NDE1: variants seen among roughly 807,000 people sequenced by gnomAD.
NDE1 encodes the protein nudE neurodevelopment protein 1, also known as nuclear distribution protein nudE homolog 1.
A neutral mutation model predicts 43.4 loss-of-function variants in NDE1; 28 were observed. The ratio of observed to expected loss-of-function variants is 0.65; its 90% CI spans 0.48 to 0.89. The LOEUF is 0.89. Among genes scored for constraint, NDE1 ranks in the 40% least tolerant of loss-of-function variants. NDE1 has a pLI of 0.00. For missense variants in NDE1, 441 were observed against 434.1 expected, an observed-to-expected ratio of 1.02 and a Z score of -0.14; for synonymous variants, 184 against 172.0, an observed-to-expected ratio of 1.07 and a Z score of -0.55.
chr16:15,659,425 C>CTTTTTT lies in NDE1; in HGVS notation c.-43-5287_-43-5282dup, dbSNP rs35091023. Among the ~76,000 whole-genome samples the CTTTTTT allele has an allele frequency of 3.4e-4, 20 of 58,908 alleles. 3 individuals carry two copies. The highest frequency in any genetic ancestry group is 1.1e-3 in the Admixed American group (4 of 3,726). The allele number at this position is 58,908 out of a possible 152,430, so 38.6% of individuals were successfully genotyped here. ...GGAAGGAAGGGACCTTGCACACAAT[C>CTTTTTT]TTTTTTTTTTTTTTTTTTTTTTTTT... On this transcript the variant is annotated intron_variant, in intron 1 of 8. Transcript: ENST00000396354.
At chr16:15,670,889 G>A (rs1228403163) in intron 3 of NDE1, among the ~76,000 whole-genome samples, 1 of 152,048 alleles carries the variant, frequency 6.6e-6, no homozygotes, top group Non-Finnish European at 1.5e-5. Context: ...AAATGGATTG[G>A]GGGTTTGGGG....
At position 15,694,096 on chromosome 16, in the gene NDE1, C is replaced by T; in HGVS notation, c.704-69C>T. The stretch of plus-strand genomic sequence containing the variant: ...TCCCTCCTGTCCCGTGGTTTTGGAT[C>T]TAGCGATGTTAACGCACAGACATGA... On this transcript the variant is annotated intron_variant, in intron 6 of 8. Transcript: ENST00000396354. The T allele has an allele frequency of 1.9e-6, 3 of 1,569,650 alleles. No homozygotes were observed. In the African/African-American group the frequency reaches 4.1e-5, roughly 21 times the overall value.
At chr16:15,659,077 G>T (rs931259132) in intron 1 of NDE1, among the ~76,000 whole-genome samples, 1 of 152,202 alleles carries the variant, frequency 6.6e-6, no homozygotes, top group Non-Finnish European at 1.5e-5. Context: ...GATTGAAAAA[G>T]TAGGAGGGAG....
intron 2 of NDE1, among the ~76,000 whole-genome samples, chr16:15,666,047 C>T (rs540534733): frequency 8.7e-4 from 132 of 152,156 alleles, no homozygotes; most frequent in Middle Eastern, 6.8e-3. Flanking sequence ...TGAGCCACCA[C>T]GCCCGGTGTC....
At chr16:15,662,812 C>G (rs1458798868) in intron 1 of NDE1, among the ~76,000 whole-genome samples, 1 of 152,162 alleles carries the variant, frequency 6.6e-6, no homozygotes, top group Middle Eastern at 3.2e-3. Context: ...CTCCCAGGCT[C>G]AAGCGATCTG....
chr16:15,644,981 A>G (rs1436207790), intron 1 of NDE1, among the ~76,000 whole-genome samples: 2 of 146,110 alleles, frequency 1.4e-5, no homozygotes, highest in African/African-American at 2.6e-5. Flanking sequence ...GTGCAGTGGC[A>G]GGATCTTGGC....
chr16:15,708,806 G>A, intron 8 of NDE1: 1 of 1,608,034 alleles, frequency 6.2e-7, no homozygotes, highest in South Asian at 1.1e-5. Context: ...ATGATACCTG[G>A]TGCATCACTG....
chr16:15,724,953 C>T lies in NDE1; in HGVS notation c.*702C>T, dbSNP rs1339119390. On this transcript the variant is annotated 3_prime_UTR_variant, in exon 9 of 9. Coordinates refer to ENST00000396354, the MANE Select transcript of NDE1 (RefSeq NM_017668.3). Reference sequence around the variant, plus strand: ...TTGGCCAGCTTAATGGCCTTCCCCTCGGCCTCGTTAAGCATCCCTGTGACG... The same window carrying T: ...TTGGCCAGCTTAATGGCCTTCCCCTTGGCCTCGTTAAGCATCCCTGTGACG... 6.2e-7 allele frequency: 1 copy of T among 1,613,998 alleles called. No individual in the cohort carries two copies. The highest frequency in any genetic ancestry group is 8.5e-7 in the Non-Finnish European group (1 of 1,180,034).
intron 8 of NDE1, among the ~76,000 whole-genome samples, chr16:15,697,651 T>G (rs770316750): frequency 2.0e-5 from 3 of 152,126 alleles, no homozygotes; most frequent in Non-Finnish European, 2.9e-5. Context: ...AGGCAGAGAT[T>G]GCAGTGAGCC....
In NDE1 at chr16:15,677,854, G is replaced by A. The variant is rs760012847; in HGVS notation, c.291G>A (p.Glu97=). The A allele has an allele frequency of 7.4e-6, 12 of 1,614,110 alleles. No homozygotes were observed. The Admixed American group carries it at 2.0e-4, about 27-fold the overall frequency. Residue 97 remains glutamate, a synonymous_variant, in exon 4 of 9, where the codon GAG becomes GAA. Transcript: ENST00000396354. ...GCTACCGGCAGATCTCAGCCTTGGA[G>A]GATGACCTCGCGCAGACCAAAGCCA... is the stretch of plus-strand genomic sequence containing the variant. ...SEGYRQISAL[E]DDLAQTKAIK...
chr16:15,648,599 G>C (rs1373523170), upstream of NDE1, among the ~76,000 whole-genome samples: 1 of 151,638 alleles, frequency 6.6e-6, no homozygotes, highest in Non-Finnish European at 1.5e-5. Flanking sequence ...TTGAGGTCAG[G>C]AGTTCGAGAC....
chr16:15,643,822 A>G (rs1307508568), exon 1 of NDE1: 1 of 156,222 alleles, frequency 6.4e-6, no homozygotes, highest in Non-Finnish European at 1.4e-5. Context: ...ATTTTTGGGG[A>G]CTTTAGCAAG....
chr16:15,658,781 C>A (rs539124124), intron 1 of NDE1, among the ~76,000 whole-genome samples: 1 of 152,054 alleles, frequency 6.6e-6, no homozygotes, highest in Non-Finnish European at 1.5e-5. Context: ...CTTAGCCTCC[C>A]GAGTAGTTGG....
chr16:15,711,251 G>A lies in NDE1; in HGVS notation c.948-12940G>A, dbSNP rs927320455. 5 of 152,160 alleles carry A rather than the reference G, an allele frequency of 3.3e-5. No homozygotes were observed. In the East Asian group the frequency reaches 5.8e-4, roughly 18 times the overall value. 9.4% of individuals were successfully genotyped at this position (152,160 alleles called of 1,614,324 possible). ...CTAGAGGTGATTTCAGATGGCTTCCGGGCATGCCATCCGCTAACTGAACTG... is the reference window on the plus strand; with the variant it reads ...CTAGAGGTGATTTCAGATGGCTTCCAGGCATGCCATCCGCTAACTGAACTG... On this transcript the variant is annotated intron_variant, in intron 8 of 8. Coordinates refer to ENST00000396354, the MANE Select transcript of NDE1 (RefSeq NM_017668.3).
rs1375243936 is a variant in NDE1, at chr16:15,673,825, T to C, written c.238-3976T>C. Reference sequence around the variant, plus strand: ...GCTCTGGGTGTTTGGTGAAGGAAAGTAATTTGGAAGCAGAGCAGGAATAGA... The same window carrying C: ...GCTCTGGGTGTTTGGTGAAGGAAAGCAATTTGGAAGCAGAGCAGGAATAGA... On this transcript the variant is annotated intron_variant, in intron 3 of 8. Transcript: ENST00000396354. Among the ~76,000 whole-genome samples the C allele has an allele frequency of 2.0e-5, 3 of 152,048 alleles. No individual in the cohort carries two copies. The East Asian group carries it at 5.8e-4, about 29-fold the overall frequency.
chr16:15,662,637 C>T (rs750932842), intron 1 of NDE1, among the ~76,000 whole-genome samples: 4 of 152,076 alleles, frequency 2.6e-5, no homozygotes, highest in Non-Finnish European at 5.9e-5. Flanking sequence ...AGTGCAGTGG[C>T]ACTATCTTGG....
At chr16:15,671,987 T>C (rs565338916) in intron 3 of NDE1, among the ~76,000 whole-genome samples, 1 of 152,198 alleles carries the variant, frequency 6.6e-6, no homozygotes, top group Admixed American at 6.6e-5. Context: ...TGCGCCTGGC[T>C]GATTATAGTT....
In NDE1 at chr16:15,724,698, C is replaced by T; in HGVS notation, c.*447C>T. 1.2e-6 allele frequency: 2 copies of T among 1,614,198 alleles called. No individual in the cohort carries two copies. The highest frequency in any genetic ancestry group is 1.3e-5 in the African/African-American group (1 of 75,056). On this transcript the variant is annotated 3_prime_UTR_variant, in exon 9 of 9. Coordinates refer to ENST00000396354, the MANE Select transcript of NDE1 (RefSeq NM_017668.3). ...GCTCCAGGTTCTGCTTGGCCTCCAT[C>T]TCCTCGTCCAGCTGGTCTTGCAGGC...
intron 8 of NDE1, among the ~76,000 whole-genome samples, chr16:15,715,512 A>G (rs1281239105): frequency 6.6e-6 from 1 of 152,238 alleles, no homozygotes; most frequent in African/African-American, 2.4e-5. Context: ...AGCAGACAAC[A>G]TAGTGTGTGA....
Sources: allele counts gnomAD v4.1 joint callset (sites outside exome capture counted in the v4.1 genomes callset), GRCh38; gene constraint gnomAD v4.1.1; transcripts MANE v1.5; gene names NCBI Gene and HGNC (gene_info 2026-07-23, HGNC 2026-07-21).